NHS: variants seen among roughly 807,000 people sequenced by gnomAD.
The protein encoded by NHS is actin remodeling regulator NHS.
In NHS, 5 loss-of-function variants were observed where a neutral mutation model predicts 72.5. The observed-to-expected ratio is 0.07, with a 90% confidence interval of 0.04 to 0.14. The LOEUF is 0.14. NHS is among the 10% of genes least tolerant of loss of function. NHS has a pLI of 1.00. For missense variants in NHS, 1,072 were observed against 1,355.7 expected, an observed-to-expected ratio of 0.79 and a Z score of 3.29; for synonymous variants, 464 against 547.7, an observed-to-expected ratio of 0.85 and a Z score of 2.13.
intron 1 of NHS, among the ~76,000 whole-genome samples, chrX:17,550,604 G>C (rs1340034154): frequency 9.0e-6 from 1 of 111,640 alleles, no homozygotes; most frequent in Admixed American, 9.5e-5. Context: ...GCCCTGCTAG[G>C]TACCCTGAAT....
intron 1 of NHS, among the ~76,000 whole-genome samples, chrX:17,538,708 C>T (rs1196806427): frequency 3.6e-5 from 4 of 112,102 alleles, no homozygotes; most frequent in African/African-American, 1.3e-4. Context: ...GTCATGCTCT[C>T]ATCAATTTCC....
Position 17,726,888 on chromosome X carries a change from G to A in NHS, c.2782G>A (p.Asp928Asn), listed in dbSNP as rs935063626. ...SEQGIKEPQL[D>N]ASDIPPFKDE... ...ACAAGGCATTAAGGAACCTCAGTTA[G>A]ATGCTTCGGATATTCCACCATTCAA... is the stretch of plus-strand genomic sequence containing the variant. Residue 928 changes from aspartate (D) to asparagine (N), a missense_variant, in exon 7 of 9, where the codon GAT becomes AAT. Asp to Asn is a conservative substitution (Grantham distance 23, BLOSUM62 1). Coordinates refer to ENST00000676302, the MANE Select transcript of NHS (RefSeq NM_001291867.2). 8.3e-7 allele frequency: 1 copy of A among 1,210,257 alleles called. No homozygotes were observed. Among genetic ancestry groups the A allele is most frequent in the Non-Finnish European group, 1.1e-6 (1 of 895,327 alleles).
chrX:17,646,186 C>T (rs1318153701), intron 1 of NHS, among the ~76,000 whole-genome samples: 2 of 111,815 alleles, frequency 1.8e-5, no homozygotes, highest in East Asian at 5.6e-4. Context: ...AAATAATTCT[C>T]CTGCCTCAGC....
chrX:17,433,465 T>G (rs1447026250), intron 1 of NHS, among the ~76,000 whole-genome samples: 1 of 110,626 alleles, frequency 9.0e-6, no homozygotes, highest in Non-Finnish European at 1.9e-5. Flanking sequence ...AGTGGGGAGC[T>G]GGGCCTGCCT....
intron 1 of NHS, among the ~76,000 whole-genome samples, chrX:17,536,349 C>T (rs750948694): frequency 9.9e-5 from 11 of 111,670 alleles, no homozygotes; most frequent in Middle Eastern, 4.6e-3. Context: ...AGCGAGACTC[C>T]GTCTCAAAAA....
Position 17,375,940 on chromosome X carries a change from C to T in NHS, c.183C>T (p.Val61=). The T allele has an allele frequency of 9.2e-7, 1 of 1,086,587 alleles. No individual in the cohort carries two copies. The allele number at this position is 1,086,587 out of a possible 1,213,427, so 89.5% of individuals were successfully genotyped here. ...APGPEEPARA[V]PAPSGLPPPP... ...GGCCAGAGGAGCCAGCCCGCGCCGT[C>T]CCTGCACCTTCAGGGCTGCCACCGC... The change falls in exon 1 of 9, where the codon GTC becomes GTT. Residue 61 remains valine (V), a synonymous_variant. Coordinates refer to ENST00000676302, the MANE Select transcript of NHS (RefSeq NM_001291867.2).
At chrX:17,427,673 G>A (rs1469103553) in intron 1 of NHS, among the ~76,000 whole-genome samples, 1 of 112,455 alleles carries the variant, frequency 8.9e-6, no homozygotes, top group Non-Finnish European at 1.9e-5. Context: ...CAGAAGTACA[G>A]TTCTGTCTTG....
chrX:17,430,259 T>TTTTC (rs56175001), intron 1 of NHS, among the ~76,000 whole-genome samples: 5,890 of 51,426 alleles, frequency 0.11, 366 homozygotes, highest in East Asian at 0.15. Flanking sequence ...CCCTCTTTCT[T>TTTTC]TTTCTTTCTT....
At chrX:17,586,968 A>G (rs1392311724) in intron 1 of NHS, 2 of 112,376 alleles carry the variant, frequency 1.8e-5, no homozygotes, top group East Asian at 5.6e-4. Context: ...CATGAATTAT[A>G]GAAGAGAAGA....
rs191834599 is a variant in NHS at position 17,501,973 on chromosome X, T to C, written c.565+125651T>C. Among the ~76,000 whole-genome samples, 28 of 112,187 alleles carry C rather than the reference T, an allele frequency of 2.5e-4. 1 individual carries two copies. In the East Asian group the frequency reaches 7.9e-3, roughly 32 times the overall value. On this transcript the variant is annotated intron_variant, in intron 1 of 8. Coordinates refer to ENST00000676302, the MANE Select transcript of NHS (RefSeq NM_001291867.2). The stretch of plus-strand genomic sequence containing the variant: ...TTCCCCATGGGGTTACTTCTGACGT[T>C]TATGCTTCCAGTTTCAATTGTTTGG...
rs148418212 is a variant in NHS at position 17,728,157 on chromosome X, G to A, written c.4051G>A (p.Asp1351Asn). The change falls in exon 7 of 9, where the codon GAC (aspartate) becomes AAC (asparagine). Residue 1351 changes from aspartate (D) to asparagine (N), a missense_variant. Physicochemically the swap from Asp to Asn is conservative, Grantham distance 23. Transcript: ENST00000676302. ...TCAATTTGTTATGAGCCGCCACCAT[G>A]ACAAAGTGCCTGGTACTATCAGCTA... Reference protein sequence around the residue: ...KHQFVMSRHHDKVPGTISYES... With the variant: ...KHQFVMSRHHNKVPGTISYES... 159 of 1,209,941 alleles carry A rather than the reference G, an allele frequency of 1.3e-4. 2 individuals are homozygous for A. The Admixed American group carries it at 2.3e-3, about 17-fold the overall frequency.
chrX:17,559,903 T>C (rs2065403665), intron 1 of NHS, among the ~76,000 whole-genome samples: 1 of 111,784 alleles, frequency 8.9e-6, no homozygotes, highest in Admixed American at 9.5e-5. Context: ...GACTTCCTTC[T>C]CTTCCCTGTT....
Position 17,725,930 on chromosome X carries a change from C to T in NHS, c.1824C>T (p.His608=), listed in dbSNP as rs749407804. 5.8e-6 allele frequency: 7 copies of T among 1,209,852 alleles called. No individual in the cohort carries two copies. The highest frequency in any genetic ancestry group is 2.3e-4 in the Middle Eastern group (1 of 4,377). The change falls in exon 7 of 9, where the codon CAC becomes CAT. Residue 608 remains histidine (H), a synonymous_variant. Transcript: ENST00000676302. ...CAGACACGTTTGGGAGCCCCATCCA[C>T]TGCATCTCCACGGCTGGCGTCCTCC... is the stretch of plus-strand genomic sequence containing the variant. ...SNSDTFGSPI[H]CISTAGVLLS...
At chrX:17,606,057 G>A (rs1360634875) in intron 1 of NHS, among the ~76,000 whole-genome samples, 1 of 112,217 alleles carries the variant, frequency 8.9e-6, no homozygotes, top group Non-Finnish European at 1.9e-5. Flanking sequence ...CCCATATGGG[G>A]CCCCTGGAAA....
intron 1 of NHS, among the ~76,000 whole-genome samples, chrX:17,555,841 G>A (rs1473495576): frequency 8.9e-6 from 1 of 111,911 alleles, no homozygotes; most frequent in African/African-American, 3.3e-5. Context: ...GCAGTAGCAG[G>A]CGGCTTGCAT....
chrX:17,433,896 C>T (rs745824321), intron 1 of NHS, among the ~76,000 whole-genome samples: 2 of 112,216 alleles, frequency 1.8e-5, no homozygotes, highest in South Asian at 3.7e-4. Context: ...ACAACATCCC[C>T]AAACCTCAGT....
intron 1 of NHS, among the ~76,000 whole-genome samples, chrX:17,600,296 G>GAC (rs1347717235): frequency 3.6e-5 from 4 of 109,666 alleles, no homozygotes; most frequent in Non-Finnish European, 7.6e-5. Flanking sequence ...CAGAGAGAGA[G>GAC]AGAGAGAGAG....
intron 3 of NHS, among the ~76,000 whole-genome samples, chrX:17,717,807 G>T (rs1451415212): frequency 8.9e-6 from 1 of 111,851 alleles, no homozygotes; most frequent in Non-Finnish European, 1.9e-5. Flanking sequence ...ATAGGAGAAA[G>T]AAGTAAATTT....
intron 1 of NHS, among the ~76,000 whole-genome samples, chrX:17,395,416 G>T (rs2064469487): frequency 8.9e-6 from 1 of 112,049 alleles, no homozygotes; most frequent in Non-Finnish European, 1.9e-5. Flanking sequence ...CATGCTGATT[G>T]TCTAAAATAA....
Sources: allele counts gnomAD v4.1 joint callset (sites outside exome capture counted in the v4.1 genomes callset), GRCh38; gene constraint gnomAD v4.1.1; transcripts MANE v1.5; gene names NCBI Gene and HGNC (gene_info 2026-07-23, HGNC 2026-07-21).